CDH4: variants seen among roughly 807,000 people sequenced by gnomAD.
The protein encoded by CDH4 is cadherin 4.
A neutral mutation model predicts 86.0 loss-of-function variants in CDH4; 33 were observed. The observed-to-expected ratio is 0.38, with a 90% CI of 0.29 to 0.51. CDH4 has a LOEUF of 0.51. CDH4 is among the 20% of genes least tolerant of loss of function. CDH4 has a pLI of 0.86. For synonymous variants in CDH4, 555 were observed against 549.4 expected (o/e 1.01, Z -0.14); for missense variants, 1,114 against 1,307.4 (o/e 0.85, Z 2.28).
chr20:61,565,241 G>A (rs115506462), intron 2 of CDH4, among the ~76,000 whole-genome samples: 3 of 26,974 alleles, frequency 1.1e-4, no homozygotes, highest in African/African-American at 3.0e-4. Flanking sequence ...TGGTGGTGGT[G>A]GCGGTGCTCT....
intron 2 of CDH4, among the ~76,000 whole-genome samples, chr20:61,554,097 G>A (rs935164290): frequency 6.6e-6 from 1 of 152,190 alleles, no homozygotes; most frequent in Non-Finnish European, 1.5e-5. Flanking sequence ...GCCTGGCCTG[G>A]CTCTACCTTC....
In CDH4 at chr20:61,565,224, G is replaced by GTGA. The variant is rs1380489008; in HGVS notation, c.170-178337_170-178336insATG. 1.3e-3 allele frequency among the ~76,000 whole-genome samples: 59 copies of GTGA among 44,324 alleles called. 5 individuals are homozygous for GTGA. Among genetic ancestry groups the GTGA allele is most frequent in the Non-Finnish European group, 2.4e-3 (49 of 20,474 alleles). 29.1% of individuals were successfully genotyped at this position (44,324 alleles called of 152,430 possible). On this transcript the variant is annotated intron_variant, in intron 2 of 15. Transcript: ENST00000614565. ...GTGGTCGCGGTGCTCTCGGTGGTAG[G>GTGA]TGGTGGTGGTGGTGGTGGCGGTGCT...
intron 2 of CDH4, among the ~76,000 whole-genome samples, chr20:61,347,302 C>T (rs544646541): frequency 9.2e-5 from 14 of 152,326 alleles, no homozygotes; most frequent in African/African-American, 2.6e-4. Flanking sequence ...GCTGAGTCTG[C>T]GTGATGGCCA....
rs544891298 is a variant in CDH4 at position 61,704,043 on chromosome 20, G to A, written c.170-39520G>A. ...GGGTCCCTGGCTCGAGCCAGGCCTC[G>A]AGCGCTCTTGGCTGAGCCTGGAAGA... On this transcript the variant is annotated intron_variant, in intron 2 of 15. Transcript: ENST00000614565. 3.1e-3 allele frequency among the ~76,000 whole-genome samples: 475 copies of A among 152,004 alleles called. 1 individual carries two copies. The highest frequency in any genetic ancestry group is 4.6e-3 in the African/African-American group (192 of 41,484).
At chr20:61,476,704 G>T (rs1353759762) in intron 2 of CDH4, among the ~76,000 whole-genome samples, 1 of 152,220 alleles carries the variant, frequency 6.6e-6, no homozygotes, top group African/African-American at 2.4e-5. Flanking sequence ...ACCAGCCAGT[G>T]ATTTTCACAC....
chr20:61,779,698 G>A (rs980763155), intron 4 of CDH4, among the ~76,000 whole-genome samples: 5 of 152,250 alleles, frequency 3.3e-5, no homozygotes, highest in African/African-American at 9.6e-5. Context: ...GTCTTTGGGA[G>A]CATGGAGGTG....
intron 2 of CDH4, among the ~76,000 whole-genome samples, chr20:61,450,111 A>C (rs1230967997): frequency 1.3e-5 from 2 of 152,250 alleles, no homozygotes; most frequent in African/African-American, 4.8e-5. Context: ...ATGTCATTAC[A>C]ATCAAAACTA....
intron 2 of CDH4, among the ~76,000 whole-genome samples, chr20:61,380,523 A>ACCCCCCCCCCCC (rs141105277): frequency 4.0e-5 from 6 of 148,842 alleles, no homozygotes; most frequent in Admixed American, 6.6e-5. Flanking sequence ...CCATCCTACA[A>ACCCCCCCCCCCC]ACCCCCCTGC....
At chr20:61,526,170 CT>C (rs142022146) in intron 2 of CDH4, among the ~76,000 whole-genome samples, 2,064 of 151,596 alleles carry the variant, frequency 0.014, 47 homozygotes, top group African/African-American at 0.04. Context: ...GCTGGTGCCC[CT>C]CCCCCTCCCC....
intron 2 of CDH4, among the ~76,000 whole-genome samples, chr20:61,588,168 T>C (rs554993731): frequency 3.9e-5 from 6 of 152,276 alleles, no homozygotes; most frequent in Admixed American, 6.5e-5. Context: ...TTACCTGTTA[T>C]TATTATTAAT....
At chr20:61,677,113 T>C (rs2087452611) in intron 2 of CDH4, among the ~76,000 whole-genome samples, 1 of 152,074 alleles carries the variant, frequency 6.6e-6, no homozygotes, top group South Asian at 2.1e-4. Context: ...GTAGGGAGCC[T>C]TGGAGTTGAG....
intron 2 of CDH4, among the ~76,000 whole-genome samples, chr20:61,327,749 G>C (rs1372646209): frequency 1.3e-5 from 2 of 152,080 alleles, no homozygotes; most frequent in Non-Finnish European, 2.9e-5. Context: ...TTATTCTATA[G>C]ATGTACCCAC....
At chr20:61,600,108 A>AGCC in intron 2 of CDH4, 1 of 268,758 alleles carries the variant, frequency 3.7e-6, no homozygotes, top group Non-Finnish European at 5.7e-6. Flanking sequence ...GGCTCCTCGG[A>AGCC]TGCTGCTGAG....
intron 4 of CDH4, among the ~76,000 whole-genome samples, chr20:61,797,328 C>T (rs1979585107): frequency 6.6e-6 from 1 of 152,212 alleles, no homozygotes; most frequent in Non-Finnish European, 1.5e-5. Context: ...CCATCCACTG[C>T]CCAGGGTGGG....
intron 2 of CDH4, among the ~76,000 whole-genome samples, chr20:61,685,738 C>A (rs1165593155): frequency 6.6e-6 from 1 of 152,242 alleles, no homozygotes; most frequent in African/African-American, 2.4e-5. Context: ...AGGCACCTGC[C>A]CTGGGAGAGC....
At chr20:61,342,308 G>C (rs1465620574) in intron 2 of CDH4, among the ~76,000 whole-genome samples, 1 of 152,194 alleles carries the variant, frequency 6.6e-6, no homozygotes, top group Non-Finnish European at 1.5e-5. Flanking sequence ...GATATATAAA[G>C]AAAGAATTAC....
chr20:61,730,952 A>G (rs2104776), intron 2 of CDH4, among the ~76,000 whole-genome samples: 48,141 of 149,014 alleles, frequency 0.32, 8,507 homozygotes, highest in African/African-American at 0.46. Context: ...TCCGGCTCCC[A>G]CGTGGAAGGT....
At chr20:61,741,927 A>G (rs1223715801) in intron 2 of CDH4, among the ~76,000 whole-genome samples, 1 of 152,126 alleles carries the variant, frequency 6.6e-6, no homozygotes, top group Non-Finnish European at 1.5e-5. Context: ...TAGTTTTATT[A>G]GGAATTTGCT....
At chr20:61,431,013 T>A (rs1037638881) in intron 2 of CDH4, among the ~76,000 whole-genome samples, 1 of 152,210 alleles carries the variant, frequency 6.6e-6, no homozygotes, top group African/African-American at 2.4e-5. Flanking sequence ...GGCCACATGC[T>A]GCCATCAGCC....
Sources: gnomAD v4.1 joint callset for allele counts (sites outside exome capture counted in the v4.1 genomes callset) on GRCh38, gnomAD v4.1.1 for gene constraint, MANE v1.5 for transcripts, NCBI Gene and HGNC (gene_info 2026-07-23, HGNC 2026-07-21) for gene names.